Variants in ABCB4 observed in about 807,000 individuals in gnomAD.
ABCB4 encodes the protein phosphatidylcholine translocator ABCB4.
In ABCB4, 76 loss-of-function variants were observed where a neutral mutation model predicts 145.7. The ratio of observed to expected loss-of-function variants is 0.52; its 90% CI spans 0.43 to 0.63. The LOEUF (loss-of-function observed/expected upper bound fraction) is 0.63. ABCB4 is among the 30% of genes least tolerant of loss of function. The probability of loss-of-function intolerance (pLI) is 0.00; values close to 1 mark genes in which losing one functional copy is unlikely to be tolerated. For synonymous variants in ABCB4, 517 were observed against 566.8 expected (o/e 0.91, Z 1.25); for missense variants, 1,234 against 1,553.1 (o/e 0.79, Z 3.45).
At chr7:87,448,459 G>C (rs1436928670) in intron 8 of ABCB4, among the ~76,000 whole-genome samples, 1 of 152,182 alleles carries the variant, frequency 6.6e-6, no homozygotes, top group Non-Finnish European at 1.5e-5. Context: ...TGCATTCATA[G>C]AGCACAGCTG....
intron 3 of ABCB4, among the ~76,000 whole-genome samples, chr7:87,470,463 A>G (rs2116967548): frequency 6.6e-6 from 1 of 152,328 alleles, no homozygotes; most frequent in African/African-American, 2.4e-5. Flanking sequence ...AATTTTTGCA[A>G]TCTACTCATC....
chr7:87,378,960 T>C, the ABCB4 span, among the ~76,000 whole-genome samples: 1 of 152,244 alleles, frequency 6.6e-6, no homozygotes, highest in Non-Finnish European at 1.5e-5. Flanking sequence ...AGTCATTTAT[T>C]TTGAAGATGT....
intron 3 of ABCB4, among the ~76,000 whole-genome samples, chr7:87,464,945 C>A (rs1388875514): frequency 2.0e-5 from 3 of 152,154 alleles, no homozygotes; most frequent in African/African-American, 7.2e-5. Context: ...GCTCCCAGTG[C>A]AAGTGACACA....
intron 9 of ABCB4, among the ~76,000 whole-genome samples, chr7:87,445,340 C>T (rs193051633): frequency 1.3e-5 from 2 of 152,256 alleles, no homozygotes; most frequent in East Asian, 3.9e-4. Flanking sequence ...CAATATAAAA[C>T]ATGGCAGATT....
intron 18 of ABCB4, among the ~76,000 whole-genome samples, chr7:87,421,668 A>T (rs1288497562): frequency 6.6e-6 from 1 of 152,250 alleles, no homozygotes; most frequent in Non-Finnish European, 1.5e-5. Context: ...AAGTACAATT[A>T]GAGAGTTTGA....
chr7:87,475,471 C>T lies in ABCB4; in HGVS notation c.-6G>A. 1 of 1,614,206 alleles carries T rather than the reference C, an allele frequency of 6.2e-7. No individual in the cohort carries two copies. The stretch of plus-strand genomic sequence containing the variant: ...TTTGCCGCCTCAAGATCCATCTCAG[C>T]CTGAGGAGAAACCACAGCCTCAGAA... On this transcript the variant is annotated splice_region_variant and 5_prime_UTR_variant, in exon 2 of 28. Transcript: ENST00000649586.
chr7:87,422,236 A>G lies in ABCB4; in HGVS notation c.2212-11T>C. ...GCCTGGTCCAAAAATCTACAAAAGAATATTTAAAACGCCCACTTGGATTAC... is the reference window on the plus strand; with the variant it reads ...GCCTGGTCCAAAAATCTACAAAAGAGTATTTAAAACGCCCACTTGGATTAC... On this transcript the variant is annotated splice_polypyrimidine_tract_variant and intron_variant, in intron 17 of 27. Transcript: ENST00000649586. 6.2e-7 allele frequency: 1 copy of G among 1,604,124 alleles called. No homozygotes were observed. The highest frequency in any genetic ancestry group is 8.5e-7 in the Non-Finnish European group (1 of 1,171,618).
At chr7:87,471,073 A>G (rs1813356210) in intron 3 of ABCB4, among the ~76,000 whole-genome samples, 1 of 152,196 alleles carries the variant, frequency 6.6e-6, no homozygotes, top group Non-Finnish European at 1.5e-5. Context: ...TTGTAGGGAC[A>G]TGGATGAAGC....
the ABCB4 span, among the ~76,000 whole-genome samples, chr7:87,387,867 G>T: frequency 1.3e-5 from 2 of 152,156 alleles, no homozygotes; most frequent in South Asian, 4.1e-4. Context: ...TAGGAGAATT[G>T]CTTGCACCCA....
chr7:87,438,618 GCA>G, intron 14 of ABCB4, among the ~76,000 whole-genome samples: 1 of 152,132 alleles, frequency 6.6e-6, no homozygotes, highest in Non-Finnish European at 1.5e-5. Flanking sequence ...GTGTGGTGGC[GCA>G]CACCTGCAGT....
At chr7:87,430,785 C>T (rs186747157) in intron 15 of ABCB4, among the ~76,000 whole-genome samples, 71 of 152,292 alleles carry the variant, frequency 4.7e-4, no homozygotes, top group Non-Finnish European at 9.1e-4. Context: ...CCTCAGCCTC[C>T]CAAAGTGCTG....
At chr7:87,405,976 A>G in intron 26 of ABCB4, 1 of 414,598 alleles carries the variant, frequency 2.4e-6, no homozygotes, top group South Asian at 2.4e-5. Context: ...ATTATCTCAA[A>G]ATAAAAACTA....
chr7:87,394,727 A>G, the ABCB4 span, among the ~76,000 whole-genome samples: 1 of 152,134 alleles, frequency 6.6e-6, no homozygotes, highest in Non-Finnish European at 1.5e-5. Flanking sequence ...AGGCATACCT[A>G]TAGACTCTAC....
chr7:87,439,007 C>A (rs1030405097), intron 14 of ABCB4, among the ~76,000 whole-genome samples: 1 of 152,068 alleles, frequency 6.6e-6, no homozygotes, highest in Non-Finnish European at 1.5e-5. Flanking sequence ...AAACTAATTT[C>A]TATGGTGTCA....
Position 87,413,583 on chromosome 7 carries a change from C to G in ABCB4, c.2783+34G>C, listed in dbSNP as rs191853614. 1.1e-4 allele frequency: 151 copies of G among 1,324,170 alleles called. No individual in the cohort carries two copies. The African/African-American group carries it at 1.7e-3, about 15-fold the overall frequency. The allele number at this position is 1,324,170 out of a possible 1,614,324, so 82.0% of individuals were successfully genotyped here. On this transcript the variant is annotated intron_variant, in intron 22 of 27. Transcript: ENST00000649586. ...ACAATAATTCAGCCTTAGGAAAGCA[C>G]TAGGTTCTTAGCAGGAATCATATGG...
intron 19 of ABCB4, among the ~76,000 whole-genome samples, chr7:87,419,571 A>G (rs1809249160): frequency 6.6e-6 from 1 of 152,222 alleles, no homozygotes; most frequent in Non-Finnish European, 1.5e-5. Flanking sequence ...TTAACATTTG[A>G]GGATACCTAC....
At chr7:87,431,271 C>T in intron 15 of ABCB4, 133 bp downstream of exon 15, 2 of 1,174,034 alleles carry the variant, frequency 1.7e-6, no homozygotes, top group African/African-American at 1.5e-5. Flanking sequence ...TTTAAAGTCT[C>T]AGATATACAC....
intron 24 of ABCB4, among the ~76,000 whole-genome samples, chr7:87,408,935 A>C (rs1355758429): frequency 6.6e-6 from 1 of 152,224 alleles, no homozygotes; most frequent in Non-Finnish European, 1.5e-5. Flanking sequence ...TTGCATTAAC[A>C]TGGCAGAATT....
At chr7:87,377,323 A>G in the ABCB4 span, 1 of 1,456,946 alleles carries the variant, frequency 6.9e-7, no homozygotes, top group African/African-American at 1.4e-5. Flanking sequence ...AACCCTTTTA[A>G]TTTGGAAAAA....
Sources: gnomAD v4.1 joint callset for allele counts (sites outside exome capture counted in the v4.1 genomes callset) on GRCh38, gnomAD v4.1.1 for gene constraint, MANE v1.5 for transcripts, NCBI Gene and HGNC (gene_info 2026-07-23, HGNC 2026-07-21) for gene names.